The following ACTR3C variants were observed in gnomAD, a reference collection of about 807,000 sequenced individuals.
ACTR3C encodes actin related protein 3C.
Under a neutral mutation model 26.3 loss-of-function variants are expected in ACTR3C, and 18 were observed. That is an observed-to-expected ratio of 0.68 (90% CI 0.47 to 1.01). The LOEUF is 1.01. Among genes scored for constraint, ACTR3C ranks in the 50% least tolerant of loss-of-function variants. The probability of loss-of-function intolerance (pLI) is 0.00; values close to 1 mark genes in which losing one functional copy is unlikely to be tolerated. For synonymous variants in ACTR3C, 55 were observed against 94.5 expected (o/e 0.58, Z 2.42); for missense variants, 184 against 250.7 (o/e 0.73, Z 1.80).
chr7:149,975,771 A>G, the ACTR3C span, among the ~76,000 whole-genome samples: 1 of 152,180 alleles, frequency 6.6e-6, no homozygotes, highest in Non-Finnish European at 1.5e-5. Context: ...AGGGAATGAG[A>G]GTCGAGCAAA....
chr7:149,997,007 A>AT, the ACTR3C span, among the ~76,000 whole-genome samples: 1 of 145,858 alleles, frequency 6.9e-6, no homozygotes, highest in South Asian at 2.3e-4. Context: ...TCCATCTCAG[A>AT]TTAGGAGTCT....
chr7:149,980,208 T>C, the ACTR3C span, among the ~76,000 whole-genome samples: 1 of 152,208 alleles, frequency 6.6e-6, no homozygotes, highest in African/African-American at 2.4e-5. Context: ...TGGTCAAATA[T>C]GTAAAAGAGG....
the ACTR3C span, among the ~76,000 whole-genome samples, chr7:149,918,851 G>A: frequency 1.3e-5 from 2 of 152,172 alleles, no homozygotes; most frequent in Admixed American, 1.3e-4. Flanking sequence ...AGCTGAGAAC[G>A]AGCCCAACAC....
the ACTR3C span, among the ~76,000 whole-genome samples, chr7:149,954,631 T>G: frequency 2.0e-5 from 3 of 152,256 alleles, no homozygotes; most frequent in Non-Finnish European, 4.4e-5. Context: ...TAATTTCACT[T>G]AAATTCAAAT....
chr7:150,233,673 T>C, the ACTR3C span, among the ~76,000 whole-genome samples: 9 of 151,550 alleles, frequency 5.9e-5, no homozygotes, highest in Non-Finnish European at 1.3e-4. Flanking sequence ...GCATTTCCTT[T>C]TGATTGTTTC....
the ACTR3C span, among the ~76,000 whole-genome samples, chr7:150,126,665 T>G: frequency 1.3e-5 from 2 of 152,210 alleles, no homozygotes; most frequent in African/African-American, 4.8e-5. Context: ...ACAAGTGCTT[T>G]GTGCTTTGCC....
intron 1 of ACTR3C, 55 bp downstream of exon 1, chr7:150,323,414 G>A: frequency 3.3e-6 from 1 of 306,602 alleles, no homozygotes; most frequent in Non-Finnish European, 6.2e-6. Flanking sequence ...TGGTGGGCAC[G>A]CGGCCCAGGG....
At chr7:150,027,145 C>T in the ACTR3C span, among the ~76,000 whole-genome samples, 3 of 152,098 alleles carry the variant, frequency 2.0e-5, no homozygotes, top group Admixed American at 2.0e-4. Context: ...CCTGATACCT[C>T]GGTATGGGGC....
the ACTR3C span, among the ~76,000 whole-genome samples, chr7:150,232,395 T>C: frequency 6.6e-6 from 1 of 152,152 alleles, no homozygotes; most frequent in Non-Finnish European, 1.5e-5. Flanking sequence ...ATATCCACCA[T>C]ATTTAAACTG....
chr7:150,303,473 T>C (rs1411094296), intron 1 of ACTR3C, among the ~76,000 whole-genome samples: 1 of 152,266 alleles, frequency 6.6e-6, no homozygotes, highest in Non-Finnish European at 1.5e-5. Context: ...TTTATACTTC[T>C]ATTACTTGCT....
the ACTR3C span, among the ~76,000 whole-genome samples, chr7:150,133,871 G>A: frequency 5.3e-5 from 8 of 152,090 alleles, no homozygotes; most frequent in Admixed American, 4.6e-4. Context: ...CCAAGTAGCT[G>A]GGACTACAGG....
the ACTR3C span, among the ~76,000 whole-genome samples, chr7:150,174,571 G>GA: frequency 0.023 from 2,314 of 99,736 alleles, 139 homozygotes; most frequent in East Asian, 0.07. Context: ...ATCCTGCTCT[G>GA]AAAAAAAAAA....
chr7:150,310,675 C>G (rs187595478), intron 1 of ACTR3C, among the ~76,000 whole-genome samples: 417 of 152,260 alleles, frequency 2.7e-3, no homozygotes, highest in Non-Finnish European at 3.2e-3. Flanking sequence ...ACCCTGACAC[C>G]CACCAGTCCC....
the ACTR3C span, among the ~76,000 whole-genome samples, chr7:150,177,279 T>A: frequency 6.6e-6 from 1 of 150,692 alleles, no homozygotes; most frequent in East Asian, 1.9e-4. Context: ...ATTTTTTCCA[T>A]CCGACTCGGA....
chr7:150,141,435 C>T, the ACTR3C span, among the ~76,000 whole-genome samples: 10 of 151,686 alleles, frequency 6.6e-5, no homozygotes, highest in East Asian at 9.7e-4. Flanking sequence ...CCATTAGTAA[C>T]GAGCATGCTA....
At chr7:150,234,297 G>A in the ACTR3C span, among the ~76,000 whole-genome samples, 258 of 152,298 alleles carry the variant, frequency 1.7e-3, no homozygotes, top group African/African-American at 6.0e-3. Context: ...AAGGATATTG[G>A]TGCCCAGAGT....
Position 150,274,907 on chromosome 7 carries a change from G to T in ACTR3C, c.564+9846C>A, listed in dbSNP as rs1273468245. On this transcript the variant is annotated intron_variant, in intron 6 of 7. Transcript: ENST00000683684. This position sits in a 1 kb window ranked among gnomAD's most constrained non-coding sequence, Gnocchi z 4.1. ...AGCAGATCTCCTGGATGACGTTCTG[G>T]CGGTCAGCAGTCTTCTGGACACTTT... 6.6e-6 allele frequency among the ~76,000 whole-genome samples: 1 copy of T among 152,206 alleles called. No homozygotes were observed. Among genetic ancestry groups the T allele is most frequent in the Non-Finnish European group, 1.5e-5 (1 of 68,038 alleles).
the ACTR3C span, among the ~76,000 whole-genome samples, chr7:149,945,461 T>G: frequency 6.6e-6 from 1 of 152,086 alleles, no homozygotes; most frequent in South Asian, 2.1e-4. Flanking sequence ...TTCTAAGAAG[T>G]GACAGTATTG....
At chr7:150,216,970 G>A in the ACTR3C span, among the ~76,000 whole-genome samples, 1 of 132,274 alleles carries the variant, frequency 7.6e-6, no homozygotes, top group Admixed American at 7.5e-5. Flanking sequence ...TGGCAACAGA[G>A]CGAGACTCGG....
Sources: gnomAD v4.1 joint callset for allele counts (sites outside exome capture counted in the v4.1 genomes callset) on GRCh38, gnomAD v4.1.1 for gene constraint, Gnocchi (gnomAD v3.1) non-coding constraint, MANE v1.5 for transcripts, NCBI Gene and HGNC (gene_info 2026-07-23, HGNC 2026-07-21) for gene names.